The following HDAC9 variants were observed in gnomAD, a reference collection of about 807,000 sequenced individuals.
HDAC9 encodes histone deacetylase 9, also known as MEF-2 interacting transcription repressor (MITR) protein.
Under a neutral mutation model 139.4 loss-of-function variants are expected in HDAC9, and 41 were observed. That is an observed-to-expected ratio of 0.29 (90% CI 0.23 to 0.38). The LOEUF (loss-of-function observed/expected upper bound fraction) is 0.38. Among genes scored for constraint, HDAC9 ranks in the 10% least tolerant of loss-of-function variants. HDAC9 has a pLI of 1.00. For missense variants in HDAC9, 1,147 were observed against 1,297.0 expected, an observed-to-expected ratio of 0.88 and a Z score of 1.78; for synonymous variants, 517 against 476.2, an observed-to-expected ratio of 1.09 and a Z score of -1.12.
At chr7:18,970,505 A>T (rs916793028) in intron 24 of HDAC9, among the ~76,000 whole-genome samples, 12 of 152,218 alleles carry the variant, frequency 7.9e-5, no homozygotes, top group Non-Finnish European at 1.5e-4. Flanking sequence ...TTTAGCCTCA[A>T]AATAGCCCCA....
intron 17 of HDAC9, among the ~76,000 whole-genome samples, chr7:18,804,136 G>T (rs1483876975): frequency 1.3e-5 from 2 of 152,224 alleles, no homozygotes; most frequent in Non-Finnish European, 2.9e-5. Flanking sequence ...TAGCTTATCA[G>T]AAAGCTTTAC....
intron 1 of HDAC9, among the ~76,000 whole-genome samples, chr7:18,299,858 T>C (rs910603361): frequency 6.6e-6 from 1 of 152,204 alleles, no homozygotes; most frequent in Non-Finnish European, 1.5e-5. Context: ...GCAAGCACTG[T>C]TCCTCTTCTT....
At chr7:18,447,810 G>C (rs541853047) in intron 1 of HDAC9, among the ~76,000 whole-genome samples, 1 of 152,216 alleles carries the variant, frequency 6.6e-6, no homozygotes, top group Admixed American at 6.5e-5. Context: ...ATTCCTATTA[G>C]AATATACAAT....
intron 13 of HDAC9, among the ~76,000 whole-genome samples, chr7:18,740,517 C>T (rs1471108744): frequency 6.6e-6 from 1 of 152,208 alleles, no homozygotes. Flanking sequence ...GTTCTGACTG[C>T]TCCACTAAGC....
rs213269 is a variant in HDAC9, at chr7:18,458,035, C to G, written c.-41-38227C>G. Among the ~76,000 whole-genome samples, 1,179 of 152,222 alleles carry G rather than the reference C, an allele frequency of 7.7e-3. 15 individuals carry two copies. Among genetic ancestry groups the G allele is most frequent in the African/African-American group, 0.027 (1,116 of 41,546 alleles). On this transcript the variant is annotated intron_variant, in intron 1 of 3. Coordinates refer to the HDAC9 transcript ENST00000413509. ...CAGATGGGGTTGGTTTTTATAAAAACGTTAAGGCTGAATCATATTTGTTGT... is the reference window on the plus strand; with the variant it reads ...CAGATGGGGTTGGTTTTTATAAAAAGGTTAAGGCTGAATCATATTTGTTGT...
chr7:18,730,383 G>A (rs78681034), intron 13 of HDAC9, among the ~76,000 whole-genome samples: 6,741 of 152,202 alleles, frequency 0.044, 329 homozygotes, highest in East Asian at 0.1. Flanking sequence ...TTTCATTCTA[G>A]TATGATTGAA....
intron 19 of HDAC9, 121 bp from the exon 20 acceptor site, chr7:18,835,346 G>A: frequency 9.2e-7 from 1 of 1,092,656 alleles, no homozygotes; most frequent in Admixed American, 2.8e-5. Context: ...GAGGAACGTA[G>A]TGAGAAGACA....
chr7:18,660,865 G>T (rs1027924765), intron 11 of HDAC9, among the ~76,000 whole-genome samples: 2 of 152,158 alleles, frequency 1.3e-5, no homozygotes, highest in Non-Finnish European at 2.9e-5. Context: ...GGTCGGAGAA[G>T]TTGGTGGTGC....
intron 2 of HDAC9, among the ~76,000 whole-genome samples, chr7:18,575,762 G>A (rs1019991633): frequency 6.6e-6 from 1 of 152,236 alleles, no homozygotes; most frequent in Non-Finnish European, 1.5e-5. Flanking sequence ...AATCGGGTAT[G>A]TGTGTATGTG....
chr7:18,794,532 A>G (rs1792612188), intron 17 of HDAC9, among the ~76,000 whole-genome samples: 1 of 152,194 alleles, frequency 6.6e-6, no homozygotes, highest in Non-Finnish European at 1.5e-5. Flanking sequence ...TAAAAAGTAG[A>G]TGTGCCTGTA....
At chr7:18,856,548 G>A (rs949241907) in intron 21 of HDAC9, among the ~76,000 whole-genome samples, 8 of 152,058 alleles carry the variant, frequency 5.3e-5, no homozygotes, top group African/African-American at 1.7e-4. Flanking sequence ...CTTGGAGTGG[G>A]CAAAAAGAAG....
chr7:18,559,933 A>G (rs1820075623), intron 2 of HDAC9, among the ~76,000 whole-genome samples: 1 of 152,182 alleles, frequency 6.6e-6, no homozygotes. Context: ...CCCAAATCCT[A>G]AAGTCTTCCT....
intron 6 of HDAC9, among the ~76,000 whole-genome samples, chr7:18,618,568 A>G (rs1320353255): frequency 1.3e-5 from 2 of 151,858 alleles, no homozygotes; most frequent in African/African-American, 2.4e-5. Flanking sequence ...CTCACCTACT[A>G]AAATGGCCCC....
intron 1 of HDAC9, among the ~76,000 whole-genome samples, chr7:18,368,814 C>T (rs1328039263): frequency 6.6e-6 from 1 of 152,012 alleles, no homozygotes; most frequent in Non-Finnish European, 1.5e-5. Context: ...AGAGAAATGC[C>T]TCTCTGTGGT....
intron 16 of HDAC9, among the ~76,000 whole-genome samples, chr7:18,785,124 A>G (rs1791601597): frequency 6.6e-6 from 1 of 152,076 alleles, no homozygotes. Flanking sequence ...AAGGAGTGGT[A>G]AGGTGAGAAT....
chr7:18,134,581 G>A (rs1785259256), intron 1 of HDAC9, among the ~76,000 whole-genome samples: 1 of 152,134 alleles, frequency 6.6e-6, no homozygotes, highest in African/African-American at 2.4e-5. Flanking sequence ...AAGGAAAAAA[G>A]CAGATCAGTT....
intron 12 of HDAC9, among the ~76,000 whole-genome samples, chr7:18,713,234 A>T (rs1281543672): frequency 6.6e-6 from 1 of 152,206 alleles, no homozygotes; most frequent in Non-Finnish European, 1.5e-5. Context: ...TAATGAGACC[A>T]CTTAGCAGAA....
chr7:18,898,028 C>T (rs796692071), intron 22 of HDAC9, among the ~76,000 whole-genome samples: 1 of 151,876 alleles, frequency 6.6e-6, no homozygotes, highest in African/African-American at 2.4e-5. Context: ...ATATTTCACA[C>T]ATTTCTTTAA....
chr7:18,119,660 ACTGT>A (rs1228501094), intron 1 of HDAC9, among the ~76,000 whole-genome samples: 1 of 152,208 alleles, frequency 6.6e-6, no homozygotes, highest in South Asian at 2.1e-4. Flanking sequence ...GGAAAATCTG[ACTGT>A]CTAATTTGGA....
Sources: allele counts gnomAD v4.1 joint callset (sites outside exome capture counted in the v4.1 genomes callset), GRCh38; gene constraint gnomAD v4.1.1; transcripts MANE v1.5; gene names NCBI Gene and HGNC (gene_info 2026-07-23, HGNC 2026-07-21).